Variants in RPS6KA2 observed in about 807,000 individuals in gnomAD.
The protein encoded by RPS6KA2 is ribosomal protein S6 kinase A2, also known as ribosomal protein S6 kinase alpha-2.
Under a neutral mutation model 91.8 loss-of-function variants are expected in RPS6KA2, and 42 were observed. The ratio of observed to expected loss-of-function variants is 0.46; its 90% confidence interval spans 0.36 to 0.59. RPS6KA2 has a LOEUF of 0.59. RPS6KA2 is among the 20% of genes least tolerant of loss of function. The probability of loss-of-function intolerance (pLI) is 0.00; values close to 1 mark genes in which losing one functional copy is unlikely to be tolerated. For missense variants in RPS6KA2, 798 were observed against 978.5 expected (o/e 0.82, Z 2.46); for synonymous variants, 414 against 393.6 (o/e 1.05, Z -0.61).
At chr6:166,480,761 T>C (rs1476395621) in intron 10 of RPS6KA2, among the ~76,000 whole-genome samples, 1 of 151,902 alleles carries the variant, frequency 6.6e-6, no homozygotes, top group African/African-American at 2.4e-5. Context: ...GTGATCCGCC[T>C]GCCTGGGCCT....
chr6:166,796,270 T>C (rs1004369481), intron 2 of RPS6KA2, among the ~76,000 whole-genome samples: 2 of 152,190 alleles, frequency 1.3e-5, no homozygotes, highest in Admixed American at 1.3e-4. Context: ...TCACAAACTT[T>C]CTTATCTCTC....
intron 2 of RPS6KA2, among the ~76,000 whole-genome samples, chr6:166,853,163 G>T (rs1780791465): frequency 6.6e-6 from 1 of 152,186 alleles, no homozygotes; most frequent in African/African-American, 2.4e-5. Flanking sequence ...AACAGGGCAG[G>T]TGTGGTGGCT....
chr6:166,722,058 G>A (rs1046536609), intron 2 of RPS6KA2, among the ~76,000 whole-genome samples: 1 of 152,162 alleles, frequency 6.6e-6, no homozygotes, highest in Non-Finnish European at 1.5e-5. Flanking sequence ...AATATAACCA[G>A]AACCAAAATA....
intron 15 of RPS6KA2, among the ~76,000 whole-genome samples, chr6:166,431,275 C>T (rs1779122711): frequency 6.6e-6 from 1 of 152,010 alleles, no homozygotes; most frequent in Non-Finnish European, 1.5e-5. Flanking sequence ...TGGCAAACCA[C>T]CTTGCAAGAG....
At chr6:166,537,607 C>T (rs1000931202) in intron 2 of RPS6KA2, among the ~76,000 whole-genome samples, 1 of 151,848 alleles carries the variant, frequency 6.6e-6, no homozygotes, top group African/African-American at 2.4e-5. Context: ...TTCATTCCAT[C>T]CAGTTCATGC....
At chr6:166,461,339 G>C (rs935014626) in intron 11 of RPS6KA2, among the ~76,000 whole-genome samples, 1 of 152,122 alleles carries the variant, frequency 6.6e-6, no homozygotes, top group African/African-American at 2.4e-5. Flanking sequence ...CTTGCCTGAG[G>C]AAGTCTCCTG....
At chr6:166,526,702 TC>T (rs1313509949) in intron 3 of RPS6KA2, among the ~76,000 whole-genome samples, 1 of 152,138 alleles carries the variant, frequency 6.6e-6, no homozygotes, top group Non-Finnish European at 1.5e-5. Context: ...AGCACATTGT[TC>T]CAAAATATTT....
chr6:166,696,164 G>T lies in RPS6KA2; in HGVS notation c.124-157380C>A, dbSNP rs1583027884. ...GACTCTGATATGGGGAAGAGCCGGA[G>T]TGGGATTAGCAGCTCTCCAGGAAAC... On this transcript the variant is annotated intron_variant, in intron 2 of 21. Transcript: ENST00000503859. Among the ~76,000 whole-genome samples, 7 of 152,316 alleles carry T rather than the reference G, an allele frequency of 4.6e-5. No individual in the cohort carries two copies. In the South Asian group the frequency reaches 1.5e-3, roughly 32 times the overall value.
Position 166,459,554 on chromosome 6 carries a change from A to G in RPS6KA2, c.973-3T>C, listed in dbSNP as rs1422211698. The G allele has an allele frequency of 1.2e-6, 2 of 1,610,846 alleles. No individual in the cohort carries two copies. Among genetic ancestry groups the G allele is most frequent in the Non-Finnish European group, 8.5e-7 (1 of 1,177,294 alleles). On this transcript the variant is annotated splice_region_variant and splice_polypyrimidine_tract_variant and intron_variant, in intron 11 of 20. Transcript: ENST00000265678. This position sits in a 1 kb window ranked among gnomAD's most constrained non-coding sequence, Gnocchi z 4.9. ...TTGATCTCCTTCCGGTACAGCGTCT[A>G]TTAATACAAGGAAAGCAAGACAGGG...
intron 4 of RPS6KA2, 134 bp downstream of exon 4, chr6:166,510,143 C>T: frequency 2.1e-6 from 1 of 480,664 alleles, no homozygotes; most frequent in Non-Finnish European, 3.7e-6. Context: ...GCACCTTCCT[C>T]CCCAGGCAGG....
chr6:166,851,864 T>C (rs550798638), intron 2 of RPS6KA2, among the ~76,000 whole-genome samples: 1 of 152,334 alleles, frequency 6.6e-6, no homozygotes, highest in East Asian at 1.9e-4. Flanking sequence ...AGGAGGGATG[T>C]CTGCAGATGA....
At chr6:166,474,898 C>T (rs1319997716) in intron 10 of RPS6KA2, among the ~76,000 whole-genome samples, 1 of 152,238 alleles carries the variant, frequency 6.6e-6, no homozygotes, top group Non-Finnish European at 1.5e-5. Context: ...CCTGCTGAGC[C>T]TGTTCCTGCA....
At chr6:166,467,943 TC>T (rs1780604863) in intron 11 of RPS6KA2, among the ~76,000 whole-genome samples, 1 of 152,180 alleles carries the variant, frequency 6.6e-6, no homozygotes, top group Non-Finnish European at 1.5e-5. Context: ...AGCTGTGTGG[TC>T]CCACCTTAAC....
rs576503739 is a variant in RPS6KA2, at chr6:166,493,219, G to A, written c.748-2478C>T. Among the ~76,000 whole-genome samples, 1 of 152,238 alleles carries A rather than the reference G, an allele frequency of 6.6e-6. No individual in the cohort carries two copies. The highest frequency in any genetic ancestry group is 1.5e-5 in the Non-Finnish European group (1 of 68,018). ...ACAACTGCTTCTTGGTGATGAAGGT[G>A]CTGCTGACGGTGGGGATGATGCTGG... On this transcript the variant is annotated intron_variant, in intron 8 of 20. Coordinates refer to ENST00000265678, the MANE Select transcript of RPS6KA2 (RefSeq NM_021135.6). The surrounding 1 kb of genome is among the most constrained non-coding windows in gnomAD (Gnocchi z 4.7).
At chr6:166,450,073 A>C (rs1779829187) in intron 13 of RPS6KA2, among the ~76,000 whole-genome samples, 1 of 99,046 alleles carries the variant, frequency 1.0e-5, no homozygotes, top group African/African-American at 3.5e-5. Context: ...GTAGGAGACC[A>C]TCATGGGTAC....
At chr6:166,564,310 C>T (rs1229834901) in intron 1 of RPS6KA2, among the ~76,000 whole-genome samples, 4 of 152,184 alleles carry the variant, frequency 2.6e-5, no homozygotes, top group Non-Finnish European at 4.4e-5. Flanking sequence ...GTTACAGCCT[C>T]GGCCCACCTG....
intron 3 of RPS6KA2, among the ~76,000 whole-genome samples, chr6:166,529,511 G>T (rs560811751): frequency 4.5e-4 from 68 of 152,116 alleles, no homozygotes; most frequent in African/African-American, 1.5e-3. Context: ...CATGGCACAT[G>T]TATACATATG....
At chr6:166,706,455 GC>G (rs1789683171) in intron 2 of RPS6KA2, among the ~76,000 whole-genome samples, 1 of 152,226 alleles carries the variant, frequency 6.6e-6, no homozygotes, top group African/African-American at 2.4e-5. Context: ...AAATGTAAAG[GC>G]GTCATACAAC....
rs537117075 is a variant in RPS6KA2, at chr6:166,507,993, CCA to C, written c.459+208_459+209del. ...GCACATGCAGTCTCGCAACCCCCCA[CCA>C]CACATCATGCACACTTGCACACACT... On this transcript the variant is annotated intron_variant, in intron 5 of 20. Coordinates refer to ENST00000265678, the MANE Select transcript of RPS6KA2 (RefSeq NM_021135.6). Among the ~76,000 whole-genome samples the C allele has an allele frequency of 3.9e-4, 59 of 150,314 alleles. 1 individual carries two copies. In the Middle Eastern group the frequency reaches 0.01, roughly 27 times the overall value.
Sources: gnomAD v4.1 joint callset for allele counts (sites outside exome capture counted in the v4.1 genomes callset) on GRCh38, gnomAD v4.1.1 for gene constraint, Gnocchi (gnomAD v3.1) non-coding constraint, MANE v1.5 for transcripts, NCBI Gene and HGNC (gene_info 2026-07-23, HGNC 2026-07-21) for gene names.